Variants in RALGAPA2 observed in about 807,000 individuals in gnomAD.
RALGAPA2 encodes Ral GTPase activating protein catalytic subunit alpha 2, also known as ral GTPase-activating protein subunit alpha-2.
RALGAPA2 carries 139 observed loss-of-function variants against 230.4 expected under a neutral mutation model. The ratio of observed to expected loss-of-function variants is 0.60; its 90% CI spans 0.53 to 0.69. The LOEUF (loss-of-function observed/expected upper bound fraction) is 0.69. Among genes scored for constraint, RALGAPA2 ranks in the 30% least tolerant of loss-of-function variants. The probability of loss-of-function intolerance (pLI) is 0.00; values close to 1 mark genes in which losing one functional copy is unlikely to be tolerated. For missense variants in RALGAPA2, 2,163 were observed against 2,276.0 expected (o/e 0.95, Z 1.01); for synonymous variants, 847 against 837.8 (o/e 1.01, Z -0.19).
intron 4 of RALGAPA2, among the ~76,000 whole-genome samples, 163 bp from the exon 5 acceptor site, chr20:20,643,712 C>T (rs967872309): frequency 6.6e-6 from 1 of 152,124 alleles, no homozygotes; most frequent in Non-Finnish European, 1.5e-5. Context: ...AAGACGTTTT[C>T]AAGATAAAAG....
In RALGAPA2 at chr20:20,712,280, AGCCT is replaced by A; in HGVS notation, c.106+91_106+94del. ...CGGACGCCCACCCATCCCCCTCCCC[AGCCT>A]CCCAGCCACCGACCCCTGCACAGAG... On this transcript the variant is annotated intron_variant, in intron 1 of 39. Transcript: ENST00000202677. This position sits in a 1 kb window ranked among gnomAD's most constrained non-coding sequence, Gnocchi z 5.5. 9 of 392,434 alleles carry A rather than the reference AGCCT, an allele frequency of 2.3e-5. No individual in the cohort carries two copies. Among genetic ancestry groups the A allele is most frequent in the East Asian group, 2.7e-4 (2 of 7,368 alleles). The allele number at this position is 392,434 out of a possible 1,614,324, so 24.3% of individuals were successfully genotyped here.
intron 29 of RALGAPA2, 129 bp downstream of exon 29, chr20:20,524,701 A>C (rs2063148130): frequency 7.7e-7 from 1 of 1,302,758 alleles, no homozygotes; most frequent in Non-Finnish European, 1.0e-6. Context: ...GCATTTTCAC[A>C]AAAAAGACTG....
rs547182240 is a variant in RALGAPA2, at chr20:20,610,974, C to T, written c.1800+341G>A. 2.6e-5 allele frequency among the ~76,000 whole-genome samples: 4 copies of T among 152,302 alleles called. No homozygotes were observed. The South Asian group carries it at 8.3e-4, about 32-fold the overall frequency. On this transcript the variant is annotated intron_variant, in intron 14 of 39. Coordinates refer to ENST00000202677, the MANE Select transcript of RALGAPA2 (RefSeq NM_020343.4). ...TGTGGCTTTAAATACAATTGCCCAA[C>T]ACACTGATGGCTCTCAAAGTTTTAT...
At chr20:20,422,028 T>C (rs1034857990) in intron 37 of RALGAPA2, among the ~76,000 whole-genome samples, 1 of 152,180 alleles carries the variant, frequency 6.6e-6, no homozygotes, top group Non-Finnish European at 1.5e-5. Context: ...AGAAGTCAGA[T>C]GCCAAAGCCC....
At position 20,519,929 on chromosome 20, in the gene RALGAPA2, T is replaced by A. The variant is rs1015336155; in HGVS notation, c.4084+988A>T. ...CTCTGTCGCTCAAGCTAGAGTGCAG[T>A]GGCGCTGATCACAGCAGCCTTGACC... On this transcript the variant is annotated intron_variant, in intron 31 of 39. Transcript: ENST00000202677. Among the ~76,000 whole-genome samples the A allele has an allele frequency of 1.1e-4, 17 of 152,260 alleles. No individual in the cohort carries two copies. The East Asian group carries it at 3.3e-3, about 29-fold the overall frequency.
chr20:20,436,687 A>G (rs1294063482), intron 37 of RALGAPA2, among the ~76,000 whole-genome samples: 7 of 152,350 alleles, frequency 4.6e-5, no homozygotes, highest in African/African-American at 1.2e-4. Flanking sequence ...CTCTGCTGCC[A>G]TAAGGTTGGA....
chr20:20,406,567 G>A (rs1424534954), intron 38 of RALGAPA2, among the ~76,000 whole-genome samples: 1 of 152,210 alleles, frequency 6.6e-6, no homozygotes, highest in East Asian at 1.9e-4. Flanking sequence ...GGTGCTGAGT[G>A]GGATGGCTGA....
intron 37 of RALGAPA2, among the ~76,000 whole-genome samples, chr20:20,426,728 A>G (rs1392839085): frequency 1.3e-5 from 2 of 152,212 alleles, no homozygotes; most frequent in Admixed American, 6.5e-5. Context: ...CTCAAAGGAA[A>G]AAGTCCCTGT....
At chr20:20,663,417 C>T (rs1021739334) in intron 3 of RALGAPA2, among the ~76,000 whole-genome samples, 66 of 152,260 alleles carry the variant, frequency 4.3e-4, no homozygotes, top group Middle Eastern at 3.4e-3. Flanking sequence ...TCCTTCTTCA[C>T]AATTTCATAG....
chr20:20,542,727 ACC>A (rs1184978638), intron 24 of RALGAPA2, among the ~76,000 whole-genome samples: 4 of 152,116 alleles, frequency 2.6e-5, no homozygotes, highest in Non-Finnish European at 5.9e-5. Flanking sequence ...CTGAAACTGG[ACC>A]CCTTCTTTAC....
chr20:20,665,931 G>A (rs2067943997), intron 3 of RALGAPA2, among the ~76,000 whole-genome samples: 1 of 152,186 alleles, frequency 6.6e-6, no homozygotes. Context: ...TTGGCCACCT[G>A]GCCCTCTACT....
At chr20:20,397,940 C>T (rs1166781754) in intron 38 of RALGAPA2, among the ~76,000 whole-genome samples, 1 of 152,148 alleles carries the variant, frequency 6.6e-6, no homozygotes, top group African/African-American at 2.4e-5. Flanking sequence ...GTTCCTTCTC[C>T]ACACCTGGTT....
intron 38 of RALGAPA2, among the ~76,000 whole-genome samples, chr20:20,405,295 T>C (rs182608749): frequency 7.9e-5 from 12 of 152,334 alleles, no homozygotes. Flanking sequence ...TAAATAGCCA[T>C]TTTTTTTGTG....
chr20:20,574,300 A>G (rs1276587781), intron 20 of RALGAPA2, among the ~76,000 whole-genome samples: 1 of 152,214 alleles, frequency 6.6e-6, no homozygotes, highest in Non-Finnish European at 1.5e-5. Flanking sequence ...GAAGAGCTAG[A>G]GCAAAGGCTG....
At chr20:20,674,734 G>C (rs146613134) in intron 3 of RALGAPA2, among the ~76,000 whole-genome samples, 2 of 152,160 alleles carry the variant, frequency 1.3e-5, no homozygotes, top group African/African-American at 4.8e-5. Flanking sequence ...AAAGCATGTC[G>C]AAGGTGATTA....
intron 18 of RALGAPA2, among the ~76,000 whole-genome samples, chr20:20,588,097 T>C (rs1303814761): frequency 1.3e-5 from 2 of 152,204 alleles, no homozygotes; most frequent in African/African-American, 4.8e-5. Flanking sequence ...TTTTATTCTA[T>C]AAGTCATTAA....
intron 19 of RALGAPA2, among the ~76,000 whole-genome samples, chr20:20,583,973 G>A (rs1401868681): frequency 6.6e-6 from 1 of 152,036 alleles, no homozygotes; most frequent in Non-Finnish European, 1.5e-5. Flanking sequence ...TTTCTAATCT[G>A]CTGTCCTCTA....
chr20:20,468,941 C>CTGTGTGTGTGTGTGTGTGTGTTTG (rs1211901331), intron 37 of RALGAPA2, among the ~76,000 whole-genome samples: 1 of 148,156 alleles, frequency 6.7e-6, no homozygotes, highest in Non-Finnish European at 1.5e-5. Flanking sequence ...CACCTCCATC[C>CTGTGTGTGTGTGTGTGTGTGTTTG]TGTGTGTGTG....
chr20:20,568,422 G>A (rs558554306), intron 23 of RALGAPA2, among the ~76,000 whole-genome samples: 1 of 152,066 alleles, frequency 6.6e-6, no homozygotes, highest in Non-Finnish European at 1.5e-5. Flanking sequence ...CATTTTTCTG[G>A]CTGTTTGGTA....
Sources: gnomAD v4.1 joint callset for allele counts (sites outside exome capture counted in the v4.1 genomes callset) on GRCh38, gnomAD v4.1.1 for gene constraint, Gnocchi (gnomAD v3.1) non-coding constraint, MANE v1.5 for transcripts, NCBI Gene and HGNC (gene_info 2026-07-23, HGNC 2026-07-21) for gene names.